WDR54: variants seen among roughly 807,000 people sequenced by gnomAD.
WDR54 encodes WD repeat-containing protein 54.
A neutral mutation model predicts 44.1 loss-of-function variants in WDR54; 44 were observed. The observed-to-expected ratio is 1.00, with a 90% CI of 0.78 to 1.28. WDR54 has a LOEUF of 1.28. WDR54 is among the 50% of genes most tolerant of loss of function. The pLI, the probability that WDR54 is intolerant of heterozygous loss-of-function variation, is 0.00. For missense variants in WDR54, 409 were observed against 429.7 expected (o/e 0.95, Z 0.43); for synonymous variants, 169 against 169.8 (o/e 1.00, Z 0.04).
Position 74,422,085 on chromosome 2 carries a change from C to T in WDR54, c.-1-68C>T. 9 of 1,512,414 alleles carry T rather than the reference C, an allele frequency of 6.0e-6. 1 individual carries two copies. The South Asian group carries it at 7.1e-5, about 12-fold the overall frequency. The allele number at this position is 1,512,414 out of a possible 1,614,324, so 93.7% of individuals were successfully genotyped here. A position where few individuals can be genotyped will look rare whatever the true frequency, so the allele number is the denominator to read the frequency against. On this transcript the variant is annotated intron_variant, in intron 1 of 9. Transcript: ENST00000348227. ...CATCTTCCGAAATGCTCGATGATAG[C>T]CGCCCTCGGGCATCTCCGCTGCGTC...
chr2:74,423,129 C>T (rs922362262), intron 3 of WDR54, 190 bp from the exon 4 acceptor site: 3 of 831,204 alleles, frequency 3.6e-6, no homozygotes, highest in Non-Finnish European at 5.9e-6. Context: ...TGCCCCTTTA[C>T]TAGCTGTATG....
At position 74,424,103 on chromosome 2, in the gene WDR54, C is replaced by G. The variant is rs1029313402; in HGVS notation, c.534+121C>G. 4 of 1,281,822 alleles carry G rather than the reference C, an allele frequency of 3.1e-6. No homozygotes were observed. The African/African-American group carries it at 6.0e-5, about 19-fold the overall frequency. 79.4% of individuals were successfully genotyped at this position (1,281,822 alleles called of 1,614,324 possible). A position where few individuals can be genotyped will look rare whatever the true frequency, so the allele number is the denominator to read the frequency against. ...TGGCTTTGGGCAAATCTACATTTTC[C>G]TAGTCTTCAGCAACCAGGTTCAGTG... On this transcript the variant is annotated intron_variant, in intron 6 of 9. Coordinates refer to ENST00000348227, the MANE Select transcript of WDR54 (RefSeq NM_032118.4).
chr2:74,424,790 C>A, intron 6 of WDR54, 85 bp from the exon 7 acceptor site: 2 of 1,546,414 alleles, frequency 1.3e-6, no homozygotes, highest in Non-Finnish European at 1.8e-6. Context: ...CAAAGATGCA[C>A]ACACTGCCTC....
chr2:74,423,035 C>A, intron 3 of WDR54, 103 bp downstream of exon 3: 2 of 1,188,978 alleles, frequency 1.7e-6, no homozygotes, highest in Non-Finnish European at 2.5e-6. Context: ...AGACTTTTCA[C>A]ATGCTTGGCC....
rs760755724 is a variant in WDR54, at chr2:74,421,771, G to A, written c.-47G>A. 7.6e-6 allele frequency: 5 copies of A among 662,196 alleles called. No individual in the cohort carries two copies. Among genetic ancestry groups the A allele is most frequent in the South Asian group, 6.8e-5 (4 of 59,128 alleles). 41.0% of individuals were successfully genotyped at this position (662,196 alleles called of 1,614,324 possible). On this transcript the variant is annotated 5_prime_UTR_variant, in exon 1 of 10. Transcript: ENST00000348227. ...TCTCTATGGTGGCGGCGGATTTGGA[G>A]GGACCCTACGAACCAGGAGTCAGGC...
intron 6 of WDR54, among the ~76,000 whole-genome samples, chr2:74,424,309 T>A (rs916517884): frequency 1.1e-4 from 17 of 152,210 alleles, no homozygotes; most frequent in African/African-American, 3.4e-4. Flanking sequence ...GTGCCATCCA[T>A]CCTCTCCAGG....
chr2:74,423,641 G>A (rs1362653784), intron 5 of WDR54, 110 bp downstream of exon 5: 1 of 1,500,842 alleles, frequency 6.7e-7, no homozygotes, highest in Non-Finnish European at 9.1e-7. Context: ...AAGGGTGGAA[G>A]TGGAGTGGAA....
In WDR54 at chr2:74,423,860, T is replaced by A. The variant is rs1558533970; in HGVS notation, c.412T>A (p.Trp138Arg). Residue 138 changes from tryptophan to arginine, a missense_variant, in exon 6 of 10, where the codon TGG becomes AGG. Trp to Arg is a moderately radical substitution (Grantham distance 101). Transcript: ENST00000348227. The stretch of plus-strand genomic sequence containing the variant: ...AGTACTGGTTCTGGATACAGGAACG[T>A]GGTCAGGCCGGGTGCTGGTGTTTGA... ...ASGHFICVGT[W>R]SGRVLVFDIP... 6.2e-7 allele frequency: 1 copy of A among 1,614,082 alleles called. No homozygotes were observed. The highest frequency in any genetic ancestry group is 8.5e-7 in the Non-Finnish European group (1 of 1,179,968).
Position 74,423,903 on chromosome 2 carries a change from C to T in WDR54, c.455C>T (p.Pro152Leu). 2.5e-6 allele frequency: 4 copies of T among 1,614,080 alleles called. No individual in the cohort carries two copies. The South Asian group carries it at 4.4e-5, about 18-fold the overall frequency. Residue 152 changes from proline to leucine, a missense_variant, in exon 6 of 10, where the codon CCC becomes CTC. Pro to Leu is a moderately conservative substitution (Grantham distance 98). Coordinates refer to ENST00000348227, the MANE Select transcript of WDR54 (RefSeq NM_032118.4). ...VLVFDIPAKG[P>L]NIVLSEELAG... Reference sequence around the variant, plus strand: ...GTGTTTGACATCCCAGCAAAGGGTCCCAACATTGTACTGAGCGAGGAGCTG... The same window carrying T: ...GTGTTTGACATCCCAGCAAAGGGTCTCAACATTGTACTGAGCGAGGAGCTG...
At position 74,421,902 on chromosome 2, in the gene WDR54, G is replaced by A. The variant is rs186069249; in HGVS notation, c.-2+86G>A. On this transcript the variant is annotated intron_variant, in intron 1 of 9. Coordinates refer to ENST00000348227, the MANE Select transcript of WDR54 (RefSeq NM_032118.4). ...GGGCTTCATCACACTTATTTGGCTC[G>A]CGGGCTTGGGGCCATCGGGTGGTCC... is the stretch of plus-strand genomic sequence containing the variant. 3.5e-4 allele frequency: 217 copies of A among 615,230 alleles called. 2 individuals are homozygous for A. The highest frequency in any genetic ancestry group is 3.4e-3 in the African/African-American group (182 of 53,970). The allele number at this position is 615,230 out of a possible 1,614,324, so 38.1% of individuals were successfully genotyped here.
At chr2:74,422,701 G>A in intron 2 of WDR54, 169 bp from the exon 3 acceptor site, 7 of 661,846 alleles carry the variant, frequency 1.1e-5, no homozygotes, top group Non-Finnish European at 1.8e-5. Flanking sequence ...GCTGAGGCAG[G>A]AGAATCGCTT....
chr2:74,423,413 G>C, intron 4 of WDR54, 28 bp downstream of exon 4: 1 of 1,614,170 alleles, frequency 6.2e-7, no homozygotes, highest in Non-Finnish European at 8.5e-7. Context: ...TGGGGTGGGG[G>C]CAGGGAGTGT....
rs572438217 is a variant in WDR54 at position 74,425,705 on chromosome 2, G to A, written c.*4G>A. Reference sequence around the variant, plus strand: ...CCGGAGATTCAGCAGTGTGTGAGAAGAGCAGCCTTCCTTTGTCCCTGTGGT... The same window carrying A: ...CCGGAGATTCAGCAGTGTGTGAGAAAAGCAGCCTTCCTTTGTCCCTGTGGT... On this transcript the variant is annotated 3_prime_UTR_variant, in exon 10 of 10. Coordinates refer to ENST00000348227, the MANE Select transcript of WDR54 (RefSeq NM_032118.4). The A allele has an allele frequency of 5.3e-5, 86 of 1,613,988 alleles. No individual in the cohort carries two copies. The highest frequency in any genetic ancestry group is 2.0e-4 in the Admixed American group (12 of 60,008).
intron 5 of WDR54, 145 bp downstream of exon 5, chr2:74,423,676 A>C: frequency 1.4e-6 from 2 of 1,413,018 alleles, no homozygotes; most frequent in Admixed American, 3.7e-5. Flanking sequence ...AAACCATGGA[A>C]GGGTTCAGAG....
chr2:74,423,068 T>A (rs372521175), intron 3 of WDR54, 136 bp downstream of exon 3: 5 of 983,506 alleles, frequency 5.1e-6, no homozygotes, highest in Non-Finnish European at 7.8e-6. Flanking sequence ...TTCTATTTCT[T>A]ATCTTCAATC....
In WDR54 at chr2:74,423,282, T is replaced by A. The variant is rs762588772; in HGVS notation, c.286-37T>A. The A allele has an allele frequency of 1.9e-6, 3 of 1,609,010 alleles. No individual in the cohort carries two copies. The African/African-American group carries it at 4.0e-5, about 22-fold the overall frequency. ...TGTGAAGTACTCAGCAGAGGTCAGT[T>A]GGGTTATGCCCCCTGGTTCTTGCCC... On this transcript the variant is annotated intron_variant, in intron 3 of 9. Coordinates refer to ENST00000348227, the MANE Select transcript of WDR54 (RefSeq NM_032118.4).
chr2:74,423,013 C>A, intron 3 of WDR54, 81 bp downstream of exon 3: 1 of 1,415,880 alleles, frequency 7.1e-7, no homozygotes, highest in South Asian at 1.2e-5. Flanking sequence ...CCACTTGCCT[C>A]TAAACACTTC....
chr2:74,421,800 C>A lies in WDR54; in HGVS notation c.-18C>A. ...CCCTACGAACCAGGAGTCAGGCGAG[C>A]CGATCTGGGGCTGCAGGTGTTACCT... On this transcript the variant is annotated 5_prime_UTR_variant, in exon 1 of 10. Transcript: ENST00000348227. 1.5e-6 allele frequency: 1 copy of A among 674,982 alleles called. No individual in the cohort carries two copies. The highest frequency in any genetic ancestry group is 2.7e-6 in the Non-Finnish European group (1 of 366,838). The allele number at this position is 674,982 out of a possible 1,614,324, so 41.8% of individuals were successfully genotyped here.
At chr2:74,422,793 C>CAA (rs201792044) in intron 2 of WDR54, 77 bp from the exon 3 acceptor site, 24,450 of 922,376 alleles carry the variant, frequency 0.027, 129 homozygotes, top group South Asian at 0.029. Flanking sequence ...ACTCCGTCCC[C>CAA]CAAAAAAAAA....
Sources: allele counts gnomAD v4.1 joint callset (sites outside exome capture counted in the v4.1 genomes callset), GRCh38; gene constraint gnomAD v4.1.1; transcripts MANE v1.5; gene names NCBI Gene and HGNC (gene_info 2026-07-23, HGNC 2026-07-21).